Variants in ANK1 observed in about 807,000 individuals in gnomAD.
ANK1 encodes ankyrin-1.
Under a neutral mutation model 210.4 loss-of-function variants are expected in ANK1, and 51 were observed. That is an observed-to-expected ratio of 0.24 (90% CI 0.19 to 0.31). The LOEUF is 0.31. Among genes scored for constraint, ANK1 ranks in the 10% least tolerant of loss-of-function variants. ANK1 has a pLI of 1.00. For missense variants in ANK1, 2,051 were observed against 2,504.4 expected, an observed-to-expected ratio of 0.82 and a Z score of 3.86; for synonymous variants, 967 against 1,025.9, an observed-to-expected ratio of 0.94 and a Z score of 1.10.
chr8:41,656,938 A>G (rs1319720643), intron 42 of ANK1, among the ~76,000 whole-genome samples: 1 of 152,144 alleles, frequency 6.6e-6, no homozygotes, highest in Non-Finnish European at 1.5e-5. Context: ...TAGAGGGAAG[A>G]TGCTTTCATC....
chr8:41,750,026 G>C (rs1026339807), intron 2 of ANK1, among the ~76,000 whole-genome samples: 1 of 152,220 alleles, frequency 6.6e-6, no homozygotes, highest in South Asian at 2.1e-4. Flanking sequence ...GAAATTGAAT[G>C]CCGTGAGCTC....
intron 1 of ANK1, among the ~76,000 whole-genome samples, chr8:41,880,409 T>G (rs1209071466): frequency 6.6e-6 from 1 of 152,208 alleles, no homozygotes; most frequent in Non-Finnish European, 1.5e-5. Context: ...TTTAATAAAG[T>G]TGGGGAAGGC....
intron 1 of ANK1, among the ~76,000 whole-genome samples, chr8:41,877,978 C>T (rs1053231430): frequency 2.6e-5 from 4 of 152,170 alleles, no homozygotes; most frequent in Non-Finnish European, 5.9e-5. Context: ...ACGCTGGGCA[C>T]ACAGCCTAGC....
intron 36 of ANK1, 30 bp from the exon 37 acceptor site, chr8:41,684,720 C>T: frequency 6.2e-7 from 1 of 1,610,444 alleles, no homozygotes; most frequent in South Asian, 1.1e-5. Context: ...ATGCACGTTA[C>T]TCCAGGCCGG....
At chr8:41,670,171 C>T (rs1163320572) in intron 38 of ANK1, among the ~76,000 whole-genome samples, 2 of 151,974 alleles carry the variant, frequency 1.3e-5, no homozygotes, top group African/African-American at 4.8e-5. Context: ...TATCTTGTTT[C>T]TAGTTAGTTT....
chr8:41,678,658 C>T (rs1387743690), intron 37 of ANK1, among the ~76,000 whole-genome samples: 1 of 152,250 alleles, frequency 6.6e-6, no homozygotes, highest in East Asian at 1.9e-4. Context: ...ATTGATCCTA[C>T]ACATTCATCT....
intron 1 of ANK1, among the ~76,000 whole-genome samples, chr8:41,786,288 C>T (rs574019036): frequency 2.6e-5 from 4 of 152,248 alleles, no homozygotes; most frequent in South Asian, 2.1e-4. Flanking sequence ...GGGGCGTCTA[C>T]AGGCAGCCCT....
At chr8:41,822,064 AAGAGAGAGAGAGAGAGAGAGAG>A (rs10605195) in intron 1 of ANK1, among the ~76,000 whole-genome samples, 21 of 36,230 alleles carry the variant, frequency 5.8e-4, no homozygotes, top group African/African-American at 2.8e-3. Context: ...GAAAGAAAGA[AAGAGAGAGAGAGAGAGAGAGAG>A]AGAGAGAGAG....
chr8:41,665,170 C>T (rs1231162026), intron 39 of ANK1: 3 of 1,534,410 alleles, frequency 2.0e-6, no homozygotes, highest in African/African-American at 1.4e-5. Flanking sequence ...CTCTCTTGGT[C>T]TCTCACTGTT....
At chr8:41,684,139 G>T (rs747496208) in intron 37 of ANK1, among the ~76,000 whole-genome samples, 4 of 152,232 alleles carry the variant, frequency 2.6e-5, no homozygotes, top group Non-Finnish European at 4.4e-5. Context: ...TTTTACAGAT[G>T]GGGACACTGA....
intron 38 of ANK1, among the ~76,000 whole-genome samples, chr8:41,670,782 A>C (rs1196482536): frequency 6.6e-6 from 1 of 151,968 alleles, no homozygotes; most frequent in Non-Finnish European, 1.5e-5. Flanking sequence ...GCTTTCCTTT[A>C]CCTGACCAGT....
chr8:41,673,281 T>C (rs549675877), intron 37 of ANK1, among the ~76,000 whole-genome samples: 1 of 152,316 alleles, frequency 6.6e-6, no homozygotes, highest in East Asian at 1.9e-4. Context: ...TCTGATCCCA[T>C]GAAAGCTCCA....
chr8:41,811,601 C>G (rs1802512283), intron 1 of ANK1, among the ~76,000 whole-genome samples: 1 of 152,336 alleles, frequency 6.6e-6, no homozygotes, highest in South Asian at 2.1e-4. Flanking sequence ...TCAGACTGCC[C>G]TCTCCAGGCC....
At chr8:41,871,809 G>A (rs1249511490) in intron 1 of ANK1, among the ~76,000 whole-genome samples, 1 of 152,224 alleles carries the variant, frequency 6.6e-6, no homozygotes, top group Non-Finnish European at 1.5e-5. Flanking sequence ...AAACCTGCGT[G>A]TGAAATACTT....
At chr8:41,865,372 T>G (rs1332878406) in intron 1 of ANK1, among the ~76,000 whole-genome samples, 2 of 151,978 alleles carry the variant, frequency 1.3e-5, no homozygotes, top group Non-Finnish European at 2.9e-5. Context: ...CACAGCTCAA[T>G]GAACATGTGG....
At chr8:41,703,422 G>GTGTA (rs1286560913) in intron 20 of ANK1, among the ~76,000 whole-genome samples, 20 of 53,762 alleles carry the variant, frequency 3.7e-4, no homozygotes, top group African/African-American at 8.5e-4. Context: ...GTGTGTGTGT[G>GTGTA]TATATATATA....
At chr8:41,739,181 A>G (rs1033531942) in intron 2 of ANK1, among the ~76,000 whole-genome samples, 28 of 151,854 alleles carry the variant, frequency 1.8e-4, no homozygotes, top group African/African-American at 5.8e-4. Context: ...TTTTCTTTCA[A>G]TTTGAATTAT....
Position 41,744,692 on chromosome 8 carries a change from G to A in ANK1, c.130-10623C>T, listed in dbSNP as rs546549443. ...GCTGGGACTACAGGCCCGCCACCACGCCCAGCTAATTTTTTTATATTTTTA... is the reference window on the plus strand; with the variant it reads ...GCTGGGACTACAGGCCCGCCACCACACCCAGCTAATTTTTTTATATTTTTA... On this transcript the variant is annotated intron_variant, in intron 2 of 42. Transcript: ENST00000289734. Among the ~76,000 whole-genome samples the A allele has an allele frequency of 5.3e-5, 8 of 152,046 alleles. No homozygotes were observed. In the South Asian group the frequency reaches 1.5e-3, roughly 28 times the overall value.
chr8:41,806,644 G>A (rs752369514), intron 1 of ANK1, among the ~76,000 whole-genome samples: 2 of 152,218 alleles, frequency 1.3e-5, no homozygotes, highest in African/African-American at 4.8e-5. Context: ...GTTAGAGGCT[G>A]CAGTGAACCA....
Sources: allele counts gnomAD v4.1 joint callset (sites outside exome capture counted in the v4.1 genomes callset), GRCh38; gene constraint gnomAD v4.1.1; transcripts MANE v1.5; gene names NCBI Gene and HGNC (gene_info 2026-07-23, HGNC 2026-07-21).